Variants in PRKACA observed in about 807,000 individuals in gnomAD.
PRKACA encodes the protein protein kinase cAMP-activated catalytic subunit alpha, also known as cAMP-dependent protein kinase catalytic subunit alpha.
In PRKACA, 9 loss-of-function variants were observed where a neutral mutation model predicts 45.8. The observed-to-expected ratio is 0.20, with a 90% confidence interval of 0.12 to 0.34. The LOEUF is 0.34. Among genes scored for constraint, PRKACA ranks in the 10% least tolerant of loss-of-function variants. PRKACA has a pLI of 1.00. For missense variants in PRKACA, 238 were observed against 458.6 expected, an observed-to-expected ratio of 0.52 and a Z score of 4.39; for synonymous variants, 160 against 178.6, an observed-to-expected ratio of 0.90 and a Z score of 0.83.
chr19:14,093,328 AT>A, intron 9 of PRKACA, 91 bp from the exon 10 acceptor site: 1 of 1,500,398 alleles, frequency 6.7e-7, no homozygotes, highest in African/African-American at 1.4e-5. Flanking sequence ...TTCAAGAGAT[AT>A]TTACTCTGAC....
chr19:14,101,534 G>C (rs2144454713), intron 4 of PRKACA, among the ~76,000 whole-genome samples: 1 of 152,294 alleles, frequency 6.6e-6, no homozygotes, highest in East Asian at 1.9e-4. Context: ...CTGCACTCCA[G>C]CCTGGGCAAC....
At chr19:14,107,250 A>C in intron 2 of PRKACA, 98 bp downstream of exon 2, 1 of 1,307,468 alleles carries the variant, frequency 7.6e-7, no homozygotes, top group Non-Finnish European at 1.1e-6. Context: ...GAAGCCTTCT[A>C]TGGGGTTTCT....
chr19:14,108,910 T>C (rs904525760), intron 1 of PRKACA, among the ~76,000 whole-genome samples: 2 of 150,928 alleles, frequency 1.3e-5, no homozygotes, highest in Non-Finnish European at 3.0e-5. Flanking sequence ...GTATGTTTAG[T>C]AGAGACAGGG....
In PRKACA at chr19:14,100,819, C is replaced by T. The variant is rs757139965; in HGVS notation, c.419+7G>A. The T allele has an allele frequency of 1.2e-5, 19 of 1,613,744 alleles. 1 individual carries two copies. Among genetic ancestry groups the T allele is most frequent in the South Asian group, 2.2e-5 (2 of 91,080 alleles). The stretch of plus-strand genomic sequence containing the variant: ...CAGCCTGATGTGATGGGGGGTGGCC[C>T]GCTTACCTGAACCTTCCGATCCGCC... On this transcript the variant is annotated splice_region_variant and intron_variant, in intron 5 of 9. Transcript: ENST00000308677.
At position 14,117,526 on chromosome 19, in the gene PRKACA, T is replaced by C; in HGVS notation, c.22A>G (p.Lys8Glu). Residue 8 changes from lysine to glutamate, a missense_variant, in exon 1 of 10, where the codon AAG becomes GAG. By Grantham distance (56) the Lys-to-Glu change is moderately conservative. Transcript: ENST00000308677. The part of the protein sequence containing the change: MGNAAAA[K>E]KGSEQESVKE... ...CCGCTCTCCTGCTCGCTGCCCTTCTTGGCGGCGGCGGCGTTGCCCATCGCG... is the reference window on the plus strand; with the variant it reads ...CCGCTCTCCTGCTCGCTGCCCTTCTCGGCGGCGGCGGCGTTGCCCATCGCG... 8.1e-7 allele frequency: 1 copy of C among 1,227,808 alleles called. No homozygotes were observed. The highest frequency in any genetic ancestry group is 1.0e-6 in the Non-Finnish European group (1 of 981,448). 76.1% of individuals were successfully genotyped at this position (1,227,808 alleles called of 1,614,324 possible).
Position 14,097,212 on chromosome 19 carries a change from G to A in PRKACA, c.765+149C>T. On this transcript the variant is annotated intron_variant, in intron 8 of 9. Coordinates refer to ENST00000308677, the MANE Select transcript of PRKACA (RefSeq NM_002730.4). The surrounding 1 kb of genome is among the most constrained non-coding windows in gnomAD (Gnocchi z 5.4). Reference sequence around the variant, plus strand: ...GGGGGCTTGAGGTGTTGGCCTCAGTGTGGCCGGCGCGTCCAGCTTCACCAC... The same window carrying A: ...GGGGGCTTGAGGTGTTGGCCTCAGTATGGCCGGCGCGTCCAGCTTCACCAC... 7.9e-7 allele frequency: 1 copy of A among 1,262,820 alleles called. No homozygotes were observed. Among genetic ancestry groups the A allele is most frequent in the Non-Finnish European group, 1.1e-6 (1 of 898,564 alleles). The allele number at this position is 1,262,820 out of a possible 1,614,324, so 78.2% of individuals were successfully genotyped here.
Position 14,092,331 on chromosome 19 carries a change from AAG to A in PRKACA, c.*779_*780del, listed in dbSNP as rs536003350. 2.0e-4 allele frequency: 55 copies of A among 281,196 alleles called. 1 individual carries two copies. The East Asian group carries it at 2.4e-3, about 12-fold the overall frequency. The allele number at this position is 281,196 out of a possible 1,614,324, so 17.4% of individuals were successfully genotyped here. ...GGTGAAGACAGGTCTGTTGGGGAAAAAGAGAGCGGAGGCTTCCTAAAGGGGCC... is the reference window on the plus strand; with the variant it reads ...GGTGAAGACAGGTCTGTTGGGGAAAAAGAGCGGAGGCTTCCTAAAGGGGCC... On this transcript the variant is annotated 3_prime_UTR_variant, in exon 10 of 10. Transcript: ENST00000308677.
At chr19:14,111,412 G>A in intron 1 of PRKACA, among the ~76,000 whole-genome samples, 1 of 149,096 alleles carries the variant, frequency 6.7e-6, no homozygotes, top group Non-Finnish European at 1.5e-5. Context: ...AAAAAAAAAA[G>A]AAAGTGGTAG....
intron 3 of PRKACA, among the ~76,000 whole-genome samples, chr19:14,103,834 G>A (rs1977517355): frequency 6.6e-6 from 1 of 152,158 alleles, no homozygotes; most frequent in Admixed American, 6.5e-5. Context: ...GGGAGGCCCA[G>A]GCAGGTAAAT....
chr19:14,096,031 AGTTT>A (rs1977240875), intron 8 of PRKACA, among the ~76,000 whole-genome samples: 1 of 108,922 alleles, frequency 9.2e-6, no homozygotes, highest in South Asian at 2.9e-4. Context: ...GCTAATTTTT[AGTTT>A]TTTTTTTTTT....
chr19:14,093,284 CATT>C, intron 9 of PRKACA, 47 bp from the exon 10 acceptor site: 1 of 1,591,602 alleles, frequency 6.3e-7, no homozygotes, highest in Non-Finnish European at 8.6e-7. Flanking sequence ...TCAACATAAT[CATT>C]ATTACAACAA....
At chr19:14,096,725 A>G (rs373806784) in intron 8 of PRKACA, 7 of 164,736 alleles carry the variant, frequency 4.2e-5, no homozygotes, top group African/African-American at 1.7e-4. Flanking sequence ...CTACTCACCA[A>G]AGTGTGATCT....
At chr19:14,110,080 T>C (rs1394384374) in intron 1 of PRKACA, among the ~76,000 whole-genome samples, 1 of 138,524 alleles carries the variant, frequency 7.2e-6, no homozygotes, top group Non-Finnish European at 1.5e-5. Context: ...AAGGCCGAGG[T>C]TGGAGGATCG....
chr19:14,116,294 G>A (rs1210446257), intron 1 of PRKACA, among the ~76,000 whole-genome samples: 1 of 152,182 alleles, frequency 6.6e-6, no homozygotes, highest in Non-Finnish European at 1.5e-5. Context: ...TTTCCAGATA[G>A]AGAATCTCTT....
intron 8 of PRKACA, among the ~76,000 whole-genome samples, chr19:14,095,600 C>A (rs950151015): frequency 2.0e-5 from 3 of 152,130 alleles, no homozygotes; most frequent in Non-Finnish European, 1.5e-5. Flanking sequence ...CTCACTACAA[C>A]CTCTGTCTCC....
intron 1 of PRKACA, among the ~76,000 whole-genome samples, chr19:14,109,997 T>TATATATATACACACACACACAC (rs1966918991): frequency 1.4e-5 from 1 of 71,742 alleles, no homozygotes; most frequent in African/African-American, 7.6e-5. Context: ...TATATATATA[T>TATATATATACACACACACACAC]ATACACACAC....
chr19:14,101,661 G>A (rs560691248), intron 4 of PRKACA, among the ~76,000 whole-genome samples: 1 of 152,200 alleles, frequency 6.6e-6, no homozygotes, highest in Non-Finnish European at 1.5e-5. Flanking sequence ...AGGAGTTCAA[G>A]ACCAGCCTGA....
chr19:14,102,658 A>G (rs1568533102), intron 4 of PRKACA, among the ~76,000 whole-genome samples, 158 bp downstream of exon 4: 1 of 152,194 alleles, frequency 6.6e-6, no homozygotes, highest in Non-Finnish European at 1.5e-5. Flanking sequence ...CCAGAGTCCC[A>G]GCCTGACTCC....
chr19:14,107,439 G>A, intron 1 of PRKACA, 30 bp from the exon 2 acceptor site: 1 of 1,606,524 alleles, frequency 6.2e-7, no homozygotes, highest in Non-Finnish European at 8.5e-7. Flanking sequence ...GAGTTATACA[G>A]AGACGCCCGT....
Sources: allele counts gnomAD v4.1 joint callset (sites outside exome capture counted in the v4.1 genomes callset), GRCh38; gene constraint gnomAD v4.1.1; non-coding constraint Gnocchi (gnomAD v3.1); transcripts MANE v1.5; gene names NCBI Gene and HGNC (gene_info 2026-07-23, HGNC 2026-07-21).